Variants in AGTPBP1 observed in about 807,000 individuals in gnomAD.
The protein encoded by AGTPBP1 is ATP/GTP binding carboxypeptidase 1.
AGTPBP1 carries 70 observed loss-of-function variants against 143.9 expected under a neutral mutation model. The ratio of observed to expected loss-of-function variants is 0.49; its 90% confidence interval spans 0.40 to 0.59. The LOEUF (loss-of-function observed/expected upper bound fraction) is 0.59, where lower values mean the gene tolerates loss of function less well. Among genes scored for constraint, AGTPBP1 ranks in the 20% least tolerant of loss-of-function variants. AGTPBP1 has a pLI of 0.00. For missense variants in AGTPBP1, 1,229 were observed against 1,464.5 expected (o/e 0.84, Z 2.62); for synonymous variants, 463 against 500.2 (o/e 0.93, Z 0.99).
intron 1 of AGTPBP1, among the ~76,000 whole-genome samples, chr9:85,719,919 CAT>C (rs1837987631): frequency 6.6e-6 from 1 of 152,134 alleles, no homozygotes; most frequent in South Asian, 2.1e-4. Flanking sequence ...TTGAGATAAT[CAT>C]GTGGTTTTTG....
intron 19 of AGTPBP1, among the ~76,000 whole-genome samples, chr9:85,590,168 G>A (rs1828864539): frequency 6.6e-6 from 1 of 151,550 alleles, no homozygotes; most frequent in South Asian, 2.1e-4. Context: ...GATTAATACG[G>A]GTTTGTTGTA....
intron 11 of AGTPBP1, among the ~76,000 whole-genome samples, chr9:85,646,701 CCT>C (rs1564101350): frequency 6.6e-6 from 1 of 152,126 alleles, no homozygotes; most frequent in Non-Finnish European, 1.5e-5. Flanking sequence ...AATGAAACAT[CCT>C]GTTTTCTATT....
chr9:85,580,706 TATG>T (rs749792571), intron 23 of AGTPBP1, among the ~76,000 whole-genome samples: 2 of 152,214 alleles, frequency 1.3e-5, no homozygotes, highest in African/African-American at 2.4e-5. Flanking sequence ...GTACAATCTT[TATG>T]AAGGACAATT....
chr9:85,697,792 C>T (rs1471624184), intron 2 of AGTPBP1, among the ~76,000 whole-genome samples: 1 of 152,114 alleles, frequency 6.6e-6, no homozygotes, highest in African/African-American at 2.4e-5. Context: ...ATAAAATAAT[C>T]CGCATGAACA....
chr9:85,690,370 A>G (rs1835783751), intron 3 of AGTPBP1, among the ~76,000 whole-genome samples: 1 of 152,200 alleles, frequency 6.6e-6, no homozygotes, highest in African/African-American at 2.4e-5. Context: ...CAGAGTCACT[A>G]TATTATACAC....
the AGTPBP1 span, chr9:85,773,958 T>C: frequency 6.2e-7 from 1 of 1,609,474 alleles, no homozygotes; most frequent in South Asian, 1.1e-5. Flanking sequence ...CCATCTAAAA[T>C]TGCAGTGTGA....
intron 1 of AGTPBP1, among the ~76,000 whole-genome samples, chr9:85,724,960 T>C (rs1007471380): frequency 2.0e-5 from 3 of 152,222 alleles, no homozygotes; most frequent in African/African-American, 7.2e-5. Flanking sequence ...AGATACGGTA[T>C]AATGGCACAC....
chr9:85,640,590 G>C (rs1038893397), intron 13 of AGTPBP1, among the ~76,000 whole-genome samples: 4 of 152,190 alleles, frequency 2.6e-5, no homozygotes, highest in African/African-American at 9.6e-5. Flanking sequence ...CCCAAAGCAG[G>C]AAACTGCTCT....
chr9:85,741,138 C>T, intron 1 of AGTPBP1: 5 of 841,166 alleles, frequency 5.9e-6, no homozygotes, highest in Non-Finnish European at 5.7e-6. Context: ...TCTGCACTGT[C>T]ATCCAGGGTG....
At chr9:85,609,672 G>A (rs1830199516) in intron 17 of AGTPBP1, among the ~76,000 whole-genome samples, 1 of 152,170 alleles carries the variant, frequency 6.6e-6, no homozygotes, top group African/African-American at 2.4e-5. Flanking sequence ...AGAAAAGCAA[G>A]ATGGGCCTTG....
At chr9:85,599,583 AC>A (rs1403048027) in intron 17 of AGTPBP1, among the ~76,000 whole-genome samples, 1 of 151,890 alleles carries the variant, frequency 6.6e-6, no homozygotes, top group Non-Finnish European at 1.5e-5. Flanking sequence ...CTCCTATATT[AC>A]CCCCCTTAGA....
At chr9:85,556,383 TAAC>T (rs1488427741) in intron 25 of AGTPBP1, among the ~76,000 whole-genome samples, 1 of 151,862 alleles carries the variant, frequency 6.6e-6, no homozygotes, top group Non-Finnish European at 1.5e-5. Context: ...AAAATTGGAA[TAAC>T]AATAAAACTT....
the AGTPBP1 span, among the ~76,000 whole-genome samples, chr9:85,780,646 T>C: frequency 1.3e-5 from 2 of 152,110 alleles, no homozygotes; most frequent in African/African-American, 2.4e-5. Context: ...AAAAATCTTA[T>C]GAAAGTGTGA....
the AGTPBP1 span, among the ~76,000 whole-genome samples, chr9:85,781,846 A>G: frequency 6.6e-6 from 1 of 152,336 alleles, no homozygotes; most frequent in African/African-American, 2.4e-5. Context: ...TCATATGTAG[A>G]TATGTAGATT....
chr9:85,615,428 C>G (rs1220815661), intron 17 of AGTPBP1, among the ~76,000 whole-genome samples: 1 of 152,068 alleles, frequency 6.6e-6, no homozygotes, highest in Non-Finnish European at 1.5e-5. Context: ...AATCTTCAAT[C>G]TGTTATCATT....
intron 1 of AGTPBP1, among the ~76,000 whole-genome samples, chr9:85,714,876 T>C (rs977194854): frequency 1.3e-5 from 2 of 152,190 alleles, no homozygotes; most frequent in African/African-American, 4.8e-5. Context: ...TATATGTGTG[T>C]ATATATGATC....
At chr9:85,559,228 T>C (rs1034621008) in intron 25 of AGTPBP1, among the ~76,000 whole-genome samples, 2 of 152,180 alleles carry the variant, frequency 1.3e-5, no homozygotes, top group African/African-American at 4.8e-5. Flanking sequence ...TTGCATCAGA[T>C]GGAATTTTTA....
intron 6 of AGTPBP1, 116 bp downstream of exon 6, chr9:85,677,320 A>G: frequency 1.1e-6 from 1 of 891,690 alleles, no homozygotes. Flanking sequence ...ATTATTGTGT[A>G]TCCATAGAAA....
At chr9:85,726,512 G>T (rs1481228203) in intron 1 of AGTPBP1, among the ~76,000 whole-genome samples, 1 of 152,212 alleles carries the variant, frequency 6.6e-6, no homozygotes, top group African/African-American at 2.4e-5. Flanking sequence ...ATTCCAGTAA[G>T]GTTGGTAAAG....
Sources: gnomAD v4.1 joint callset for allele counts (sites outside exome capture counted in the v4.1 genomes callset) on GRCh38, gnomAD v4.1.1 for gene constraint, MANE v1.5 for transcripts, NCBI Gene and HGNC (gene_info 2026-07-23, HGNC 2026-07-21) for gene names.